The following RGS20 variants were observed in gnomAD, a reference collection of about 807,000 sequenced individuals.
RGS20 encodes the protein regulator of G protein signaling 20, also known as gz-selective GTPase-activating protein.
A neutral mutation model predicts 33.6 loss-of-function variants in RGS20; 30 were observed. The observed-to-expected ratio is 0.89, with a 90% CI of 0.67 to 1.21. RGS20 has a LOEUF of 1.21. Ranked by LOEUF, RGS20 falls within the 50% of genes most tolerant of loss-of-function variation. The pLI is 0.00. For synonymous variants in RGS20, 208 were observed against 197.9 expected (o/e 1.05, Z -0.43); for missense variants, 472 against 502.4 (o/e 0.94, Z 0.58).
At chr8:53,855,123 G>A (rs1013719303) in intron 1 of RGS20, among the ~76,000 whole-genome samples, 1 of 152,022 alleles carries the variant, frequency 6.6e-6, no homozygotes, top group African/African-American at 2.4e-5. Flanking sequence ...GGAGTGCAGT[G>A]GGGCAATCTC....
In RGS20 at chr8:53,877,604, C is replaced by G. The variant is rs1450937000; in HGVS notation, c.166-1654C>G. ...GCTTCTCCAGAAGCCTCCTCGGCTC[C>G]CAGCTCCAGCCCCTAAAATAAAAGC... On this transcript the variant is annotated intron_variant, in intron 1 of 5. Transcript: ENST00000297313. This position sits in a 1 kb window ranked among gnomAD's most constrained non-coding sequence, Gnocchi z 5.7. 2.6e-5 allele frequency among the ~76,000 whole-genome samples: 4 copies of G among 152,348 alleles called. No homozygotes were observed. Among genetic ancestry groups the G allele is most frequent in the Non-Finnish European group, 1.5e-5 (1 of 68,030 alleles).
At chr8:53,923,816 T>G (rs575155181) in intron 2 of RGS20, among the ~76,000 whole-genome samples, 1 of 152,324 alleles carries the variant, frequency 6.6e-6, no homozygotes, top group South Asian at 2.1e-4. Flanking sequence ...TTCTACTTGA[T>G]TCTTTTTCGT....
At chr8:53,952,600 C>G (rs1465684131) in intron 4 of RGS20, among the ~76,000 whole-genome samples, 1 of 151,652 alleles carries the variant, frequency 6.6e-6, no homozygotes, top group South Asian at 2.1e-4. Context: ...GTGGTAAGCA[C>G]CTGTAATCCC....
At chr8:53,925,743 AAAG>A (rs939329290) in intron 2 of RGS20, among the ~76,000 whole-genome samples, 1 of 152,146 alleles carries the variant, frequency 6.6e-6, no homozygotes, top group Non-Finnish European at 1.5e-5. Flanking sequence ...CTCAAAAAAA[AAAG>A]AAGTTAAAAC....
intron 1 of RGS20, among the ~76,000 whole-genome samples, chr8:53,875,983 TG>T (rs771242713): frequency 5.3e-5 from 8 of 152,358 alleles, no homozygotes; most frequent in Admixed American, 2.6e-4. Flanking sequence ...GGGAAAGATT[TG>T]CCTTTATAGT....
chr8:53,860,649 A>G (rs1275945073), intron 1 of RGS20, among the ~76,000 whole-genome samples: 2 of 152,180 alleles, frequency 1.3e-5, no homozygotes, highest in Non-Finnish European at 2.9e-5. Context: ...CTGGCCCAGT[A>G]TAGATGTGGT....
intron 1 of RGS20, among the ~76,000 whole-genome samples, chr8:53,876,931 CAAAA>C (rs1812221963): frequency 6.6e-6 from 1 of 152,208 alleles, no homozygotes; most frequent in Non-Finnish European, 1.5e-5. Context: ...AGGACCGAAG[CAAAA>C]TGCCTAATGA....
rs138868548 is a variant in RGS20 at position 53,919,515 on chromosome 8, T to G, written c.511-20061T>G. Reference sequence around the variant, plus strand: ...TGCCACTAGGCTCTGCTTATTTTTGTATATTTTTTTTGTAGAGACAGGGTT... The same window carrying G: ...TGCCACTAGGCTCTGCTTATTTTTGGATATTTTTTTTGTAGAGACAGGGTT... On this transcript the variant is annotated intron_variant, in intron 2 of 5. Coordinates refer to ENST00000297313, the MANE Select transcript of RGS20 (RefSeq NM_170587.4). Among the ~76,000 whole-genome samples, 3 of 152,202 alleles carry G rather than the reference T, an allele frequency of 2.0e-5. No homozygotes were observed. The East Asian group carries it at 5.8e-4, about 29-fold the overall frequency.
intron 4 of RGS20, among the ~76,000 whole-genome samples, chr8:53,948,745 A>G (rs1296940009): frequency 2.1e-5 from 1 of 48,006 alleles, no homozygotes; most frequent in African/African-American, 9.8e-5. Context: ...TATATAAGAT[A>G]CAGTACATAT....
chr8:53,884,901 G>T (rs750830081), intron 2 of RGS20, among the ~76,000 whole-genome samples: 16 of 152,196 alleles, frequency 1.1e-4, no homozygotes, highest in Non-Finnish European at 2.1e-4. Flanking sequence ...TCAAGCTATT[G>T]TCAGAGCCAG....
chr8:53,872,882 A>T (rs1812111470), intron 1 of RGS20, among the ~76,000 whole-genome samples: 2 of 152,002 alleles, frequency 1.3e-5, no homozygotes, highest in Non-Finnish European at 2.9e-5. Context: ...AAAATTCACC[A>T]TTTTAGGCAT....
chr8:53,885,185 C>T (rs777549358), intron 2 of RGS20, among the ~76,000 whole-genome samples: 1 of 152,110 alleles, frequency 6.6e-6, no homozygotes, highest in Non-Finnish European at 1.5e-5. Flanking sequence ...GGTTTCATTC[C>T]AGGCATTAAG....
At chr8:53,867,872 G>A (rs1030439484) in intron 1 of RGS20, among the ~76,000 whole-genome samples, 23 of 152,032 alleles carry the variant, frequency 1.5e-4, no homozygotes, top group Non-Finnish European at 2.5e-4. Flanking sequence ...ACAGGCACAC[G>A]CCACCACACC....
intron 1 of RGS20, among the ~76,000 whole-genome samples, chr8:53,864,370 G>T (rs1811875356): frequency 6.7e-6 from 1 of 150,066 alleles, no homozygotes; most frequent in African/African-American, 2.5e-5. Context: ...GGAGTTGGAG[G>T]TTGCAGTGAG....
At chr8:53,852,472 A>G (rs1226754404) in intron 1 of RGS20, among the ~76,000 whole-genome samples, 1 of 152,224 alleles carries the variant, frequency 6.6e-6, no homozygotes, top group East Asian at 1.9e-4. Context: ...CTTGGGAAAA[A>G]ATTGATAAAC....
At position 53,954,141 on chromosome 8, in the gene RGS20, C is replaced by T; in HGVS notation, c.809C>T (p.Pro270Leu). ...TCATTTGACAAATTAATGGTCACTC[C>T]AGCAGGAAGGAATGCATTCCGTGAA... Residue 270 changes from proline (P) to leucine (L), a missense_variant, in exon 5 of 6, where the codon CCA becomes CTA. Transcript: ENST00000297313. The T allele has an allele frequency of 1.9e-6, 3 of 1,614,084 alleles. No individual in the cohort carries two copies. The highest frequency in any genetic ancestry group is 2.5e-6 in the Non-Finnish European group (3 of 1,179,994).
rs1280257119 is a variant in RGS20, at chr8:53,877,754, G to A, written c.166-1504G>A. On this transcript the variant is annotated intron_variant, in intron 1 of 5. Transcript: ENST00000297313. The surrounding 1 kb of genome is among the most constrained non-coding windows in gnomAD (Gnocchi z 5.7). ...AAACAGTGTGAACTTACTCGGAAAT[G>A]CAAACCGAGTTCAACTCACCCAGGA... Among the ~76,000 whole-genome samples, 1 of 152,216 alleles carries A rather than the reference G, an allele frequency of 6.6e-6. No homozygotes were observed. Among genetic ancestry groups the A allele is most frequent in the African/African-American group, 2.4e-5 (1 of 41,452 alleles).
At chr8:53,891,173 G>GA (rs1490584073) in intron 2 of RGS20, among the ~76,000 whole-genome samples, 1 of 152,050 alleles carries the variant, frequency 6.6e-6, no homozygotes, top group South Asian at 2.1e-4. Flanking sequence ...AAGCCCTCAG[G>GA]AAAAAAACAG....
At chr8:53,925,177 T>C (rs1205339078) in intron 2 of RGS20, among the ~76,000 whole-genome samples, 1 of 152,150 alleles carries the variant, frequency 6.6e-6, no homozygotes, top group East Asian at 1.9e-4. Flanking sequence ...TTTTTAGACT[T>C]TTCTTATCTG....
Sources: gnomAD v4.1 joint callset for allele counts (sites outside exome capture counted in the v4.1 genomes callset) on GRCh38, gnomAD v4.1.1 for gene constraint, Gnocchi (gnomAD v3.1) non-coding constraint, MANE v1.5 for transcripts, NCBI Gene and HGNC (gene_info 2026-07-23, HGNC 2026-07-21) for gene names.